Variants in CTNNA3 observed in about 807,000 individuals in gnomAD.
The protein encoded by CTNNA3 is catenin alpha-3.
A neutral mutation model predicts 95.7 loss-of-function variants in CTNNA3; 76 were observed. The observed-to-expected ratio is 0.79, with a 90% CI of 0.66 to 0.96. CTNNA3 has a LOEUF of 0.96. Ranked by LOEUF, CTNNA3 falls within the 40% of genes least tolerant of loss-of-function variation. The pLI is 0.00. For missense variants in CTNNA3, 1,191 were observed against 1,089.8 expected (o/e 1.09, Z -1.31); for synonymous variants, 431 against 374.4 (o/e 1.15, Z -1.74).
chr10:66,258,855 A>G (rs1002765510), intron 13 of CTNNA3, among the ~76,000 whole-genome samples: 8 of 152,278 alleles, frequency 5.3e-5, no homozygotes, highest in Non-Finnish European at 1.0e-4. Context: ...CTGTGCGTTC[A>G]TCAATAAAAC....
In CTNNA3 at chr10:67,056,208, T is replaced by C. The variant is rs1255353270; in HGVS notation, c.1047+124109A>G. Among the ~76,000 whole-genome samples the C allele has an allele frequency of 4.6e-5, 7 of 152,084 alleles. No homozygotes were observed. In the East Asian group the frequency reaches 1.3e-3, roughly 29 times the overall value. On this transcript the variant is annotated intron_variant, in intron 7 of 17. Coordinates refer to ENST00000433211, the MANE Select transcript of CTNNA3 (RefSeq NM_013266.4). ...GTTGATTAACTGAGCTTTAATAAAA[T>C]ATGGTTGGTATACAAGTTCTAATTC...
intron 7 of CTNNA3, among the ~76,000 whole-genome samples, chr10:66,898,726 A>C (rs1845602739): frequency 6.6e-6 from 1 of 152,206 alleles, no homozygotes; most frequent in Non-Finnish European, 1.5e-5. Flanking sequence ...ACAGATTTAC[A>C]TGTAAAATCT....
intron 7 of CTNNA3, among the ~76,000 whole-genome samples, chr10:67,025,330 CA>C (rs200578879): frequency 3.0e-4 from 42 of 138,416 alleles, no homozygotes; most frequent in Admixed American, 4.3e-4. Flanking sequence ...TAAGCCCATG[CA>C]AAAAAAAAAA....
chr10:66,176,586 C>G (rs1307694719), intron 13 of CTNNA3, among the ~76,000 whole-genome samples: 1 of 151,956 alleles, frequency 6.6e-6, no homozygotes, highest in Non-Finnish European at 1.5e-5. Flanking sequence ...ATGTTAAAAT[C>G]CTACCCCACA....
Position 65,954,119 on chromosome 10 carries a change from C to T in CTNNA3, c.2400+12493G>A, listed in dbSNP as rs551395206. 8.5e-4 allele frequency among the ~76,000 whole-genome samples: 129 copies of T among 152,318 alleles called. 1 individual carries two copies. The highest frequency in any genetic ancestry group is 8.1e-3 in the South Asian group (39 of 4,830). ...GGTATCTCACTGTGGTTTTGATTTG[C>T]ATTTCTCTGATCGTCAGTGATGATG... On this transcript the variant is annotated intron_variant, in intron 17 of 17. Coordinates refer to ENST00000433211, the MANE Select transcript of CTNNA3 (RefSeq NM_013266.4).
intron 15 of CTNNA3, among the ~76,000 whole-genome samples, chr10:66,007,123 T>G (rs2078903354): frequency 6.6e-6 from 1 of 152,206 alleles, no homozygotes; most frequent in Non-Finnish European, 1.5e-5. Flanking sequence ...TGAGTATGAC[T>G]TGAGACATAC....
intron 13 of CTNNA3, among the ~76,000 whole-genome samples, chr10:66,233,842 A>C (rs1196868982): frequency 1.3e-5 from 2 of 152,192 alleles, no homozygotes; most frequent in Non-Finnish European, 2.9e-5. Context: ...TGTGTGTTAA[A>C]GCACATGTAT....
chr10:65,931,016 T>G (rs530144232), intron 17 of CTNNA3, among the ~76,000 whole-genome samples: 3 of 152,348 alleles, frequency 2.0e-5, no homozygotes, highest in East Asian at 1.9e-4. Flanking sequence ...TCTATTTTTT[T>G]GAAATACAGC....
chr10:67,715,559 G>A (rs1478850754), intron 1 of CTNNA3, among the ~76,000 whole-genome samples: 1 of 152,114 alleles, frequency 6.6e-6, no homozygotes, highest in Non-Finnish European at 1.5e-5. Flanking sequence ...GTAGGACACT[G>A]TAGCAGGAAT....
At chr10:66,381,440 C>A (rs977583437) in intron 11 of CTNNA3, among the ~76,000 whole-genome samples, 1 of 152,158 alleles carries the variant, frequency 6.6e-6, no homozygotes, top group Non-Finnish European at 1.5e-5. Flanking sequence ...TTAAAAATAT[C>A]TCTCTAGTAG....
chr10:67,522,847 G>T (rs571854332), intron 4 of CTNNA3, among the ~76,000 whole-genome samples: 2 of 152,146 alleles, frequency 1.3e-5, no homozygotes, highest in South Asian at 4.1e-4. Flanking sequence ...AATGTAATTT[G>T]CAAGACATTT....
chr10:66,841,901 ACT>A, intron 7 of CTNNA3, among the ~76,000 whole-genome samples: 1 of 152,126 alleles, frequency 6.6e-6, no homozygotes, highest in Non-Finnish European at 1.5e-5. Context: ...GGTAGGAAAG[ACT>A]ATACCTCTGT....
Position 67,373,083 on chromosome 10 carries a change from A to G in CTNNA3, c.579+148759T>C, listed in dbSNP as rs9702189. Reference sequence around the variant, plus strand: ...ACTGCATCAACTAACGTGCAAAATCACCAGCTAACATAATAATGACAGGAT... The same window carrying G: ...ACTGCATCAACTAACGTGCAAAATCGCCAGCTAACATAATAATGACAGGAT... On this transcript the variant is annotated intron_variant, in intron 5 of 17. Coordinates refer to ENST00000433211, the MANE Select transcript of CTNNA3 (RefSeq NM_013266.4). Among the ~76,000 whole-genome samples, 2,713 of 152,296 alleles carry G rather than the reference A, an allele frequency of 0.018. 208 individuals are homozygous for G. The East Asian group carries it at 0.24, about 13-fold the overall frequency.
At chr10:66,176,512 T>C (rs1345335778) in intron 13 of CTNNA3, among the ~76,000 whole-genome samples, 1 of 152,116 alleles carries the variant, frequency 6.6e-6, no homozygotes, top group Non-Finnish European at 1.5e-5. Context: ...AAGTCTTAAA[T>C]ATATGTAAAA....
chr10:66,415,136 C>T (rs1406163832), intron 11 of CTNNA3, among the ~76,000 whole-genome samples: 7 of 152,116 alleles, frequency 4.6e-5, no homozygotes, highest in East Asian at 1.9e-4. Context: ...GGGATCACCC[C>T]GCTCCTGACT....
chr10:67,012,910 C>T (rs943992305), intron 7 of CTNNA3: 1 of 152,012 alleles, frequency 6.6e-6, no homozygotes, highest in African/African-American at 2.4e-5. Flanking sequence ...TAATTAGCAG[C>T]AAAGACACGC....
At chr10:67,100,285 GC>G (rs1338818057) in intron 7 of CTNNA3, among the ~76,000 whole-genome samples, 1 of 151,556 alleles carries the variant, frequency 6.6e-6, no homozygotes, top group Non-Finnish European at 1.5e-5. Context: ...TGCAACCAAG[GC>G]CCTAAGCTAC....
chr10:67,695,563 C>T (rs902270158), intron 1 of CTNNA3, among the ~76,000 whole-genome samples: 11 of 152,174 alleles, frequency 7.2e-5, no homozygotes, highest in African/African-American at 2.7e-4. Flanking sequence ...GCCATTATCT[C>T]ACTTGAAACA....
At chr10:66,990,541 A>G (rs1850986258) in intron 7 of CTNNA3, among the ~76,000 whole-genome samples, 1 of 152,188 alleles carries the variant, frequency 6.6e-6, no homozygotes, top group Non-Finnish European at 1.5e-5. Context: ...AAAACTAGAA[A>G]TCATCTAGTT....
Sources: allele counts gnomAD v4.1 joint callset (sites outside exome capture counted in the v4.1 genomes callset), GRCh38; gene constraint gnomAD v4.1.1; transcripts MANE v1.5; gene names NCBI Gene and HGNC (gene_info 2026-07-23, HGNC 2026-07-21).